B3GAT1: variants seen among roughly 807,000 people sequenced by gnomAD.
The protein encoded by B3GAT1 is galactosylgalactosylxylosylprotein 3-beta-glucuronosyltransferase 1.
A neutral mutation model predicts 28.4 loss-of-function variants in B3GAT1; 11 were observed. The observed-to-expected ratio is 0.39, with a 90% CI of 0.24 to 0.64. The LOEUF is 0.64. Among genes scored for constraint, B3GAT1 ranks in the 30% least tolerant of loss-of-function variants. B3GAT1 has a pLI of 0.50. For synonymous variants in B3GAT1, 255 were observed against 223.1 expected (o/e 1.14, Z -1.27); for missense variants, 375 against 491.0 (o/e 0.76, Z 2.23).
chr11:134,392,905 G>A (rs1232482706), intron 1 of B3GAT1, among the ~76,000 whole-genome samples: 2 of 152,200 alleles, frequency 1.3e-5, no homozygotes, highest in Non-Finnish European at 2.9e-5. Context: ...CCTGAGGAGA[G>A]GAGCTTATTT....
chr11:134,379,496 CTG>C lies in B3GAT1; in HGVS notation c.*1264_*1265del, dbSNP rs1272410857. ...GGGGAGGGCAGGAGTTTGAGGCACACTGTTCTTTCTCCAGGATGGAAAGTGGA... is the reference window on the plus strand; with the variant it reads ...GGGGAGGGCAGGAGTTTGAGGCACACTTCTTTCTCCAGGATGGAAAGTGGA... On this transcript the variant is annotated 3_prime_UTR_variant, in exon 6 of 6. Coordinates refer to ENST00000312527, the MANE Select transcript of B3GAT1 (RefSeq NM_054025.3). 1 of 152,530 alleles carries C rather than the reference CTG, an allele frequency of 6.6e-6. No individual in the cohort carries two copies. Among genetic ancestry groups the C allele is most frequent in the African/African-American group, 2.4e-5 (1 of 41,458 alleles). 9.4% of individuals were successfully genotyped at this position (152,530 alleles called of 1,614,324 possible).
In B3GAT1 at chr11:134,411,935, T is replaced by C. The variant is rs1219554427; in HGVS notation, c.-410A>G. ...GCTCCCTCCCCGGGGACTGTCGGGC[T>C]CCGGGCCCCCGGGGGCCACTTCATA... On this transcript the variant is annotated 5_prime_UTR_variant, in exon 1 of 6. Coordinates refer to ENST00000312527, the MANE Select transcript of B3GAT1 (RefSeq NM_054025.3). This position sits in a 1 kb window ranked among gnomAD's most constrained non-coding sequence, Gnocchi z 6.0. 2.0e-5 allele frequency: 3 copies of C among 148,404 alleles called. No homozygotes were observed. Among genetic ancestry groups the C allele is most frequent in the Non-Finnish European group, 4.5e-5 (3 of 66,726 alleles). 9.2% of individuals were successfully genotyped at this position (148,404 alleles called of 1,614,324 possible). A position where few individuals can be genotyped will look rare whatever the true frequency, so the allele number is the denominator to read the frequency against.
intron 1 of B3GAT1, among the ~76,000 whole-genome samples, chr11:134,399,543 A>AGCT (rs1011335658): frequency 2.0e-5 from 3 of 152,192 alleles, no homozygotes; most frequent in African/African-American, 7.2e-5. Context: ...AAGCCGTCGA[A>AGCT]GCTGCTGCTG....
chr11:134,395,381 C>T (rs1319492806), intron 1 of B3GAT1, among the ~76,000 whole-genome samples: 3 of 152,088 alleles, frequency 2.0e-5, no homozygotes, highest in African/African-American at 7.2e-5. Context: ...CAGAGAGGAG[C>T]CATCCCACAG....
intron 1 of B3GAT1, among the ~76,000 whole-genome samples, chr11:134,407,076 C>T (rs56387937): frequency 0.1 from 14,136 of 138,240 alleles, 558 homozygotes; most frequent in African/African-American, 0.11. Context: ...ATGGCAGCCT[C>T]TAGCCACATG....
Position 134,387,272 on chromosome 11 carries a change from G to A in B3GAT1, c.112+276C>T, listed in dbSNP as rs376252558. 4 of 408,018 alleles carry A rather than the reference G, an allele frequency of 9.8e-6. No individual in the cohort carries two copies. The South Asian group carries it at 1.5e-4, about 15-fold the overall frequency. The allele number at this position is 408,018 out of a possible 1,614,324, so 25.3% of individuals were successfully genotyped here. On this transcript the variant is annotated intron_variant, in intron 2 of 5. Transcript: ENST00000312527. ...AGCACTTCCCCAGGGGGCAGGGCGT[G>A]CCCCCTCCTCTTGGGTGCTGAGAGT...
Position 134,393,834 on chromosome 11 carries a change from C to A in B3GAT1, c.-281-5894G>T, listed in dbSNP as rs79256507. On this transcript the variant is annotated intron_variant, in intron 1 of 5. Transcript: ENST00000312527. The surrounding 1 kb of genome is among the most constrained non-coding windows in gnomAD (Gnocchi z 4.0). ...ACCAACCTGCTGGTTAAGACAGCTG[C>A]TGTTCATATCATCTCTGTCACCCAG... Among the ~76,000 whole-genome samples the A allele has an allele frequency of 0.1, 15,276 of 152,116 alleles. 895 individuals carry two copies. The highest frequency in any genetic ancestry group is 0.13 in the Non-Finnish European group (9,161 of 67,958).
intron 1 of B3GAT1, among the ~76,000 whole-genome samples, chr11:134,407,626 G>A (rs1039209369): frequency 6.6e-5 from 10 of 152,234 alleles, no homozygotes; most frequent in African/African-American, 9.6e-5. Context: ...CACTTGGCGC[G>A]GAGGCTGCCT....
In B3GAT1 at chr11:134,393,062, G is replaced by A. The variant is rs1944442544; in HGVS notation, c.-281-5122C>T. Among the ~76,000 whole-genome samples the A allele has an allele frequency of 1.3e-5, 2 of 152,150 alleles. No individual in the cohort carries two copies. The highest frequency in any genetic ancestry group is 2.9e-5 in the Non-Finnish European group (2 of 68,032). On this transcript the variant is annotated intron_variant, in intron 1 of 5. Coordinates refer to ENST00000312527, the MANE Select transcript of B3GAT1 (RefSeq NM_054025.3). The surrounding 1 kb of genome is among the most constrained non-coding windows in gnomAD (Gnocchi z 4.0). ...GCTCCAGTGCAGGTGACGTGTGAAC[G>A]CAAAATGTTCCCAAAGGCCTGCATG...
In B3GAT1 at chr11:134,381,918, C is replaced by G. The variant is rs1944133669; in HGVS notation, c.*14+6G>C. On this transcript the variant is annotated splice_donor_region_variant and intron_variant, in intron 5 of 5. Transcript: ENST00000312527. Reference sequence around the variant, plus strand: ...AGTGTGTGGCCCACCCTCGTCATGCCCATACCTGCATCCTGAGGCTCAGAT... The same window carrying G: ...AGTGTGTGGCCCACCCTCGTCATGCGCATACCTGCATCCTGAGGCTCAGAT... 1.9e-6 allele frequency: 3 copies of G among 1,611,912 alleles called. No individual in the cohort carries two copies. The South Asian group carries it at 3.3e-5, about 18-fold the overall frequency.
intron 1 of B3GAT1, chr11:134,392,257 C>CCTGTGGAACTGAGTCCTGACTTAAGGG (rs1944425499): frequency 6.6e-6 from 1 of 151,088 alleles, no homozygotes; most frequent in African/African-American, 2.4e-5. Context: ...AGGGCCAGCA[C>CCTGTGGAACTGAGTCCTGACTTAAGGG]CCATGGAACT....
At chr11:134,382,227 T>G (rs61908687) in intron 4 of B3GAT1, among the ~76,000 whole-genome samples, 13,597 of 152,316 alleles carry the variant, frequency 0.089, 870 homozygotes, top group Non-Finnish European at 0.13. Flanking sequence ...TTTGCTGTTT[T>G]TACATGTGAT....
At chr11:134,389,899 A>C (rs899931932) in intron 1 of B3GAT1, 5 of 151,956 alleles carry the variant, frequency 3.3e-5, no homozygotes, top group African/African-American at 7.2e-5. Flanking sequence ...TTTGTCTTCC[A>C]TTAAGGAGCA....
rs1565459336 is a variant in B3GAT1, at chr11:134,404,012, TA to T, written c.-282+7794del. Among the ~76,000 whole-genome samples, 502 of 121,724 alleles carry T rather than the reference TA, an allele frequency of 4.1e-3. 30 individuals carry two copies. In the East Asian group the frequency reaches 0.055, roughly 13 times the overall value. The allele number at this position is 121,724 out of a possible 152,430, so 79.9% of individuals were successfully genotyped here. ...ATATATATATATATATATATATATA[TA>T]TATATATATATATATATTTATTATA... On this transcript the variant is annotated intron_variant, in intron 1 of 5. Coordinates refer to ENST00000312527, the MANE Select transcript of B3GAT1 (RefSeq NM_054025.3).
intron 2 of B3GAT1, chr11:134,385,477 G>GCACA (rs1944256198): frequency 6.6e-6 from 1 of 152,382 alleles, no homozygotes; most frequent in South Asian, 2.1e-4. Context: ...GAGGAAACCA[G>GCACA]CACACACGCA....
At chr11:134,384,386 C>T (rs935160121) in intron 2 of B3GAT1, 198 bp from the exon 3 acceptor site, 1 of 654,116 alleles carries the variant, frequency 1.5e-6, no homozygotes, top group East Asian at 2.8e-5. Context: ...AGGGTCCTAG[C>T]TCTGATGACA....
chr11:134,394,834 C>T (rs898239948), intron 1 of B3GAT1, among the ~76,000 whole-genome samples: 5 of 152,222 alleles, frequency 3.3e-5, no homozygotes, highest in Admixed American at 6.5e-5. Flanking sequence ...AATATTTTCA[C>T]GCTTTGGTTT....
At position 134,383,990 on chromosome 11, in the gene B3GAT1, C is replaced by T; in HGVS notation, c.311G>A (p.Arg104His). 6.2e-7 allele frequency: 1 copy of T among 1,602,824 alleles called. No individual in the cohort carries two copies. ...CACGTGCAGCAGCGTGTTGGCCATG[C>T]GCGTCAGCTCGGCCTTCTGCACCGG... The part of the protein sequence containing the change: ...SRPVQKAELT[R>H]MANTLLHVPN... Residue 104 changes from arginine to histidine, a missense_variant, in exon 3 of 6, where the codon CGC (arginine) becomes CAC (histidine). By Grantham distance (29) the Arg-to-His change is conservative. Transcript: ENST00000312527.
At chr11:134,405,422 C>T (rs923790887) in intron 1 of B3GAT1, among the ~76,000 whole-genome samples, 50 of 152,316 alleles carry the variant, frequency 3.3e-4, no homozygotes, top group African/African-American at 1.2e-3. Flanking sequence ...TGCGTAGACA[C>T]ACTCTGGCAG....
Sources: gnomAD v4.1 joint callset for allele counts (sites outside exome capture counted in the v4.1 genomes callset) on GRCh38, gnomAD v4.1.1 for gene constraint, Gnocchi (gnomAD v3.1) non-coding constraint, MANE v1.5 for transcripts, NCBI Gene and HGNC (gene_info 2026-07-23, HGNC 2026-07-21) for gene names.